TRAPPC12: variants seen among roughly 807,000 people sequenced by gnomAD.
TRAPPC12 encodes TPR repeat protein 15.
Under a neutral mutation model 69.2 loss-of-function variants are expected in TRAPPC12, and 61 were observed. That is an observed-to-expected ratio of 0.88 (90% CI 0.72 to 1.09). TRAPPC12 has a LOEUF of 1.09. TRAPPC12 is among the 50% of genes least tolerant of loss of function. The pLI is 0.00. For synonymous variants in TRAPPC12, 469 were observed against 438.9 expected, an observed-to-expected ratio of 1.07 and a Z score of -0.86; for missense variants, 1,101 against 1,016.4, an observed-to-expected ratio of 1.08 and a Z score of -1.13.
chr2:3,463,572 G>T (rs1350909485), intron 8 of TRAPPC12, among the ~76,000 whole-genome samples: 1 of 150,088 alleles, frequency 6.7e-6, no homozygotes, highest in Non-Finnish European at 1.5e-5. Flanking sequence ...TGTCATACTA[G>T]ATTATCTTCA....
rs1463907767 is a variant in TRAPPC12, at chr2:3,387,327, A to T, written c.-4-293A>T. Among the ~76,000 whole-genome samples, 4 of 152,186 alleles carry T rather than the reference A, an allele frequency of 2.6e-5. No homozygotes were observed. In the East Asian group the frequency reaches 7.7e-4, roughly 29 times the overall value. On this transcript the variant is annotated intron_variant, in intron 1 of 11. Transcript: ENST00000324266. ...CACTTATTTTATAGTAGAATGGTGG[A>T]TGCTCTAGGCGGGGGAGATGGGTAT...
chr2:3,448,713 TG>T (rs1483134708), intron 6 of TRAPPC12, among the ~76,000 whole-genome samples: 14 of 145,484 alleles, frequency 9.6e-5, no homozygotes, highest in Non-Finnish European at 1.9e-4. Context: ...GGGTAGGGCG[TG>T]GAGAGCAGCC....
At position 3,429,507 on chromosome 2, in the gene TRAPPC12, G is replaced by A. The variant is rs114858035; in HGVS notation, c.1417+4844G>A. ...TCTTAAATTTGCCTTTCCTATTCGC[G>A]TTTCTCTGATTTTGAAACAGAAGTT... is the stretch of plus-strand genomic sequence containing the variant. On this transcript the variant is annotated intron_variant, in intron 5 of 11. Coordinates refer to ENST00000324266, the MANE Select transcript of TRAPPC12 (RefSeq NM_016030.6). Among the ~76,000 whole-genome samples the A allele has an allele frequency of 3.9e-3, 598 of 152,234 alleles. 1 individual carries two copies. The highest frequency in any genetic ancestry group is 5.4e-3 in the Non-Finnish European group (364 of 68,010).
chr2:3,396,831 T>G (rs561750204), intron 2 of TRAPPC12, among the ~76,000 whole-genome samples: 2 of 152,232 alleles, frequency 1.3e-5, no homozygotes, highest in African/African-American at 4.8e-5. Flanking sequence ...CTTTAAACTC[T>G]TGAGAACATT....
intron 5 of TRAPPC12, among the ~76,000 whole-genome samples, chr2:3,443,228 G>A (rs1050044012): frequency 3.9e-5 from 6 of 152,176 alleles, no homozygotes; most frequent in East Asian, 1.9e-4. Flanking sequence ...CAGGCTCCAG[G>A]GCCACATGGA....
At chr2:3,448,784 G>A (rs1484839296) in intron 6 of TRAPPC12, among the ~76,000 whole-genome samples, 14 of 152,294 alleles carry the variant, frequency 9.2e-5, no homozygotes, top group Non-Finnish European at 1.9e-4. Flanking sequence ...AGGGCGGAGG[G>A]CGTGTGCCGG....
At chr2:3,395,729 ATT>A (rs374787114) in intron 2 of TRAPPC12, among the ~76,000 whole-genome samples, 2 of 137,338 alleles carry the variant, frequency 1.5e-5, no homozygotes, top group Admixed American at 7.3e-5. Flanking sequence ...CGCCCAGCTA[ATT>A]TTTTTTTTTT....
intron 1 of TRAPPC12, among the ~76,000 whole-genome samples, chr2:3,387,342 G>A (rs1220679888): frequency 6.6e-6 from 1 of 152,172 alleles, no homozygotes; most frequent in Admixed American, 6.5e-5. Flanking sequence ...CTAGGCGGGG[G>A]AGATGGGTAT....
intron 11 of TRAPPC12, 127 bp downstream of exon 11, chr2:3,479,060 T>TG (rs140756219): frequency 6.8e-7 from 1 of 1,479,300 alleles, no homozygotes; most frequent in Non-Finnish European, 9.2e-7. Flanking sequence ...AGGCAGTGGC[T>TG]GTGGCCCTTA....
At chr2:3,390,772 G>T (rs6723050) in intron 2 of TRAPPC12, among the ~76,000 whole-genome samples, 2 of 152,114 alleles carry the variant, frequency 1.3e-5, no homozygotes, top group African/African-American at 2.4e-5. Context: ...AGATTCATCA[G>T]TTGTAATAGG....
chr2:3,423,998 T>C (rs1422175020), intron 4 of TRAPPC12, among the ~76,000 whole-genome samples: 3 of 152,142 alleles, frequency 2.0e-5, no homozygotes, highest in African/African-American at 7.2e-5. Flanking sequence ...TCTGCAGCCC[T>C]GAGAGCTGCC....
intron 7 of TRAPPC12, 181 bp downstream of exon 7, chr2:3,457,874 G>A (rs1326212680): frequency 2.8e-6 from 4 of 1,436,880 alleles, no homozygotes; most frequent in Admixed American, 2.9e-5. Flanking sequence ...GGGTGATGCT[G>A]TGGGTGCAAC....
At chr2:3,419,732 G>A (rs897541031) in intron 3 of TRAPPC12, among the ~76,000 whole-genome samples, 8 of 152,078 alleles carry the variant, frequency 5.3e-5, no homozygotes, top group Admixed American at 1.3e-4. Flanking sequence ...GGTGGGTGCC[G>A]TGGAGGCCAG....
chr2:3,457,624 C>T lies in TRAPPC12; in HGVS notation c.1534C>T (p.Leu512=). The T allele has an allele frequency of 6.2e-7, 1 of 1,612,874 alleles. No homozygotes were observed. The highest frequency in any genetic ancestry group is 8.5e-7 in the Non-Finnish European group (1 of 1,179,954). ...HKVKTVCSKI[L]ANLEQGLAED... ...TTCTCATTTGGAATGATTGCAGATCCTGGCCAATTTGGAGCAAGGCTTAGC... is the reference window on the plus strand; with the variant it reads ...TTCTCATTTGGAATGATTGCAGATCTTGGCCAATTTGGAGCAAGGCTTAGC... Residue 512 remains leucine, a synonymous_variant, in exon 7 of 12, where the codon CTG becomes TTG. Transcript: ENST00000324266.
At chr2:3,391,567 A>G (rs569372309) in intron 2 of TRAPPC12, among the ~76,000 whole-genome samples, 6 of 152,342 alleles carry the variant, frequency 3.9e-5, no homozygotes, top group Non-Finnish European at 7.3e-5. Context: ...TTCATTTACT[A>G]TACTTATTGT....
intron 3 of TRAPPC12, among the ~76,000 whole-genome samples, chr2:3,418,206 G>A (rs1404106193): frequency 2.2e-5 from 2 of 90,518 alleles, no homozygotes; most frequent in Admixed American, 9.5e-5. Context: ...ACAAATACTC[G>A]CCTGCTTCTG....
chr2:3,452,670 G>C (rs976675550), intron 6 of TRAPPC12, among the ~76,000 whole-genome samples: 4 of 152,238 alleles, frequency 2.6e-5, no homozygotes, highest in Non-Finnish European at 4.4e-5. Flanking sequence ...CTGCCCAGCA[G>C]CCAAACCTCA....
At chr2:3,395,667 A>G (rs1572092756) in intron 2 of TRAPPC12, among the ~76,000 whole-genome samples, 1 of 147,554 alleles carries the variant, frequency 6.8e-6, no homozygotes, top group African/African-American at 2.5e-5. Context: ...GGTTTAAGTG[A>G]TTCTCATGCC....
rs182547578 is a variant in TRAPPC12 at position 3,463,771 on chromosome 2, G to A, written c.1678-1826G>A. On this transcript the variant is annotated intron_variant, in intron 8 of 11. Transcript: ENST00000324266. ...ACTGGAATGACCCAGTGACACTGCC[G>A]GGCTGATAACAAGAAAGTCAAAGCC... Among the ~76,000 whole-genome samples the A allele has an allele frequency of 1.0e-3, 157 of 151,982 alleles. 1 individual carries two copies. Among genetic ancestry groups the A allele is most frequent in the African/African-American group, 3.3e-3 (137 of 41,454 alleles).
Sources: allele counts gnomAD v4.1 joint callset (sites outside exome capture counted in the v4.1 genomes callset), GRCh38; gene constraint gnomAD v4.1.1; transcripts MANE v1.5; gene names NCBI Gene and HGNC (gene_info 2026-07-23, HGNC 2026-07-21).